BTBD9: variants seen among roughly 807,000 people sequenced by gnomAD.
BTBD9 encodes the protein BTB/POZ domain-containing protein 9.
A neutral mutation model predicts 64.3 loss-of-function variants in BTBD9; 49 were observed. The observed-to-expected ratio is 0.76, with a 90% confidence interval of 0.61 to 0.97. The LOEUF (loss-of-function observed/expected upper bound fraction) is 0.97, where lower values mean the gene tolerates loss of function less well. BTBD9 is among the 50% of genes least tolerant of loss of function. The pLI, the probability that BTBD9 is intolerant of heterozygous loss-of-function variation, is 0.00. For synonymous variants in BTBD9, 260 were observed against 274.7 expected (o/e 0.95, Z 0.53); for missense variants, 598 against 762.1 (o/e 0.78, Z 2.53).
Position 38,441,998 on chromosome 6 carries a change from C to T in BTBD9, c.1155-96905G>A, listed in dbSNP as rs183339618. 7.2e-5 allele frequency among the ~76,000 whole-genome samples: 11 copies of T among 152,152 alleles called. No homozygotes were observed. In the East Asian group the frequency reaches 7.7e-4, roughly 11 times the overall value. On this transcript the variant is annotated intron_variant, in intron 6 of 10. Transcript: ENST00000481247. ...CATGAAGCCTTCCTCCCAAAATTCC[C>T]GAGATGGTAAAAGTTCCTATTTTAA...
chr6:38,181,866 T>A (rs560422201), intron 10 of BTBD9, among the ~76,000 whole-genome samples: 2 of 152,264 alleles, frequency 1.3e-5, no homozygotes, highest in African/African-American at 2.4e-5. Context: ...CAGATGCCTG[T>A]AATCCCAGCT....
At chr6:38,541,139 A>G (rs1219220546) in intron 6 of BTBD9, among the ~76,000 whole-genome samples, 2 of 152,238 alleles carry the variant, frequency 1.3e-5, no homozygotes, top group Admixed American at 1.3e-4. Context: ...AAAGTGAAGT[A>G]CATATTATTC....
chr6:38,253,143 A>AC (rs199560181), intron 9 of BTBD9, among the ~76,000 whole-genome samples: 20 of 151,350 alleles, frequency 1.3e-4, no homozygotes, highest in Non-Finnish European at 2.8e-4. Context: ...AACAACAACA[A>AC]AACACCCACA....
At chr6:38,266,400 C>G (rs972830911) in intron 8 of BTBD9, among the ~76,000 whole-genome samples, 2 of 151,926 alleles carry the variant, frequency 1.3e-5, no homozygotes, top group Non-Finnish European at 2.9e-5. Flanking sequence ...TGGGGAAACC[C>G]CATCTCTATT....
chr6:38,478,137 T>C (rs1770975927), intron 6 of BTBD9, among the ~76,000 whole-genome samples: 1 of 152,134 alleles, frequency 6.6e-6, no homozygotes, highest in Non-Finnish European at 1.5e-5. Context: ...TTCCCTCAAC[T>C]GCTTCCTACC....
chr6:38,229,930 A>G (rs570274076), intron 9 of BTBD9, among the ~76,000 whole-genome samples: 6 of 152,210 alleles, frequency 3.9e-5, no homozygotes, highest in Non-Finnish European at 7.3e-5. Context: ...CATTGATAAA[A>G]AGAGTGAAAT....
intron 6 of BTBD9, among the ~76,000 whole-genome samples, chr6:38,534,475 C>CCAA (rs371256719): frequency 0.041 from 3,934 of 94,884 alleles, 91 homozygotes; most frequent in Admixed American, 0.11. Flanking sequence ...TCAAACTGTT[C>CCAA]AAAAAAAAAA....
At chr6:38,588,552 A>C in intron 4 of BTBD9, 2 of 645,894 alleles carry the variant, frequency 3.1e-6, no homozygotes, top group Non-Finnish European at 2.4e-6. Context: ...ACACCAATTA[A>C]TGTAGCTGCT....
intron 9 of BTBD9, among the ~76,000 whole-genome samples, chr6:38,243,149 G>A (rs1764064136): frequency 6.6e-6 from 1 of 152,194 alleles, no homozygotes; most frequent in South Asian, 2.1e-4. Context: ...AGGCCAGGCT[G>A]AAAGGAAAGT....
At chr6:38,431,691 C>A (rs1278347899) in intron 6 of BTBD9, among the ~76,000 whole-genome samples, 1 of 150,620 alleles carries the variant, frequency 6.6e-6, no homozygotes, top group East Asian at 1.9e-4. Flanking sequence ...TGCTGGCACC[C>A]AATGCACATC....
At chr6:38,308,651 G>A (rs896324194) in intron 7 of BTBD9, among the ~76,000 whole-genome samples, 10 of 152,084 alleles carry the variant, frequency 6.6e-5, no homozygotes, top group African/African-American at 4.8e-5. Flanking sequence ...TTGCCCAGGC[G>A]GGAGTGCAGT....
intron 1 of BTBD9, among the ~76,000 whole-genome samples, chr6:38,629,795 C>A (rs1261000817): frequency 6.6e-6 from 1 of 151,992 alleles, no homozygotes; most frequent in Non-Finnish European, 1.5e-5. Flanking sequence ...GCACTCCAGC[C>A]TGGGCAATAA....
At chr6:38,337,654 C>T (rs140717579) in intron 7 of BTBD9, among the ~76,000 whole-genome samples, 18 of 152,286 alleles carry the variant, frequency 1.2e-4, no homozygotes, top group Non-Finnish European at 2.1e-4. Flanking sequence ...ATTTCCATAC[C>T]TTGCCAATGT....
chr6:38,418,698 T>A (rs557188477), intron 6 of BTBD9, among the ~76,000 whole-genome samples: 20 of 152,350 alleles, frequency 1.3e-4, no homozygotes, highest in Non-Finnish European at 1.9e-4. Flanking sequence ...ATACTGTGTA[T>A]CCGTTTGTGT....
intron 6 of BTBD9, among the ~76,000 whole-genome samples, chr6:38,498,212 T>C (rs1772041454): frequency 6.6e-6 from 1 of 152,116 alleles, no homozygotes; most frequent in African/African-American, 2.4e-5. Flanking sequence ...TAAAACCAAA[T>C]CCAACCTATC....
chr6:38,245,744 A>G (rs1764170923), intron 9 of BTBD9, among the ~76,000 whole-genome samples: 1 of 152,142 alleles, frequency 6.6e-6, no homozygotes, highest in Non-Finnish European at 1.5e-5. Context: ...GGAACAGGTA[A>G]GTGATGATGG....
Position 38,511,602 on chromosome 6 carries a change from A to G in BTBD9, c.1154+65998T>C, listed in dbSNP as rs574960737. On this transcript the variant is annotated intron_variant, in intron 6 of 10. Coordinates refer to ENST00000481247, the MANE Select transcript of BTBD9 (RefSeq NM_001099272.2). ...AAGCCAACTGCCTGCTTGGCCTCCC[A>G]AAGTGTTGAGATTACAGGCATGAGC... is the stretch of plus-strand genomic sequence containing the variant. Among the ~76,000 whole-genome samples the G allele has an allele frequency of 5.9e-5, 9 of 152,094 alleles. No individual in the cohort carries two copies. The South Asian group carries it at 1.9e-3, about 32-fold the overall frequency.
At chr6:38,597,708 C>A (rs1777094984) in intron 2 of BTBD9, among the ~76,000 whole-genome samples, 1 of 152,114 alleles carries the variant, frequency 6.6e-6, no homozygotes, top group Non-Finnish European at 1.5e-5. Context: ...CCTTCTAACC[C>A]TTTAATTTTA....
rs1290127335 is a variant in BTBD9, at chr6:38,617,771, C to T, written c.-27-19650G>A. Among the ~76,000 whole-genome samples, 4 of 152,194 alleles carry T rather than the reference C, an allele frequency of 2.6e-5. No homozygotes were observed. The East Asian group carries it at 7.7e-4, about 29-fold the overall frequency. ...TTCCCTCCCTCAGTGTATGGCCCTC[C>T]ACTCCATTTTGAGGCATATCATCTT... is the stretch of plus-strand genomic sequence containing the variant. On this transcript the variant is annotated intron_variant, in intron 1 of 10. Coordinates refer to ENST00000481247, the MANE Select transcript of BTBD9 (RefSeq NM_001099272.2).
Sources: gnomAD v4.1 joint callset for allele counts (sites outside exome capture counted in the v4.1 genomes callset) on GRCh38, gnomAD v4.1.1 for gene constraint, MANE v1.5 for transcripts, NCBI Gene and HGNC (gene_info 2026-07-23, HGNC 2026-07-21) for gene names.